GRIK1: variants seen among roughly 807,000 people sequenced by gnomAD.
GRIK1 encodes the protein glutamate receptor ionotropic, kainate 1.
In GRIK1, 69 loss-of-function variants were observed where a neutral mutation model predicts 105.7. That is an observed-to-expected ratio of 0.65 (90% CI 0.54 to 0.80). GRIK1 has a LOEUF of 0.80. GRIK1 is among the 30% of genes least tolerant of loss of function. The probability of loss-of-function intolerance (pLI) is 0.00; values close to 1 mark genes in which losing one functional copy is unlikely to be tolerated. For synonymous variants in GRIK1, 438 were observed against 431.3 expected (o/e 1.02, Z -0.19); for missense variants, 1,109 against 1,167.3 (o/e 0.95, Z 0.73).
intron 1 of GRIK1, among the ~76,000 whole-genome samples, chr21:29,715,058 T>A (rs188119715): frequency 6.6e-6 from 1 of 152,198 alleles, no homozygotes; most frequent in Non-Finnish European, 1.5e-5. Flanking sequence ...TCTTAAATGA[T>A]CTGGGGAACT....
chr21:29,800,743 G>A lies in GRIK1; in HGVS notation c.119-106680C>T, dbSNP rs1425981173. ...GAAAACACAAGAAAGTATAAGACAT[G>A]GTCTATACCACAAAGATACTTTGTA... On this transcript the variant is annotated intron_variant, in intron 1 of 17. Transcript: ENST00000327783. 2.6e-5 allele frequency among the ~76,000 whole-genome samples: 4 copies of A among 152,234 alleles called. No individual in the cohort carries two copies. The East Asian group carries it at 7.7e-4, about 29-fold the overall frequency.
At chr21:29,704,847 T>C (rs1026181209) in intron 1 of GRIK1, among the ~76,000 whole-genome samples, 7 of 152,288 alleles carry the variant, frequency 4.6e-5, no homozygotes, top group African/African-American at 1.7e-4. Flanking sequence ...ATGGCTCATC[T>C]CCTGTTCAAC....
chr21:29,695,472 CT>C (rs1174978924), intron 1 of GRIK1, among the ~76,000 whole-genome samples: 2 of 128,742 alleles, frequency 1.6e-5, no homozygotes, highest in African/African-American at 5.6e-5. Flanking sequence ...ATCTATCTAT[CT>C]ATCTATATAT....
intron 1 of GRIK1, among the ~76,000 whole-genome samples, chr21:29,819,813 G>A (rs563810906): frequency 2.6e-4 from 39 of 152,024 alleles, no homozygotes; most frequent in African/African-American, 5.1e-4. Context: ...TCAAGTTTCC[G>A]TATGAGACCC....
rs199720974 is a variant in GRIK1, at chr21:29,757,146, AT to A, written c.119-63084del. On this transcript the variant is annotated intron_variant, in intron 1 of 17. Coordinates refer to ENST00000327783, the MANE Select transcript of GRIK1 (RefSeq NM_001330994.2). ...ATAAAAAATAAAAATAAATTAAAAA[AT>A]TTAAAAAAAAAGAAATGCGAACCAG... Among the ~76,000 whole-genome samples, 1,368 of 152,196 alleles carry A rather than the reference AT, an allele frequency of 9.0e-3. 19 individuals are homozygous for A. The highest frequency in any genetic ancestry group is 0.031 in the African/African-American group (1,309 of 41,556).
intron 16 of GRIK1, among the ~76,000 whole-genome samples, chr21:29,552,605 G>A (rs967714766): frequency 1.3e-5 from 2 of 151,956 alleles, no homozygotes; most frequent in African/African-American, 4.8e-5. Context: ...ATTGTTCCAA[G>A]AACAACCCCT....
Position 29,798,531 on chromosome 21 carries a change from A to G in GRIK1, c.119-104468T>C, listed in dbSNP as rs183192389. On this transcript the variant is annotated intron_variant, in intron 1 of 17. Coordinates refer to ENST00000327783, the MANE Select transcript of GRIK1 (RefSeq NM_001330994.2). Reference sequence around the variant, plus strand: ...AATTTGAATAAATATGAGAACTCCAAGTGAATTCCAGTCTTAACATTGTAT... The same window carrying G: ...AATTTGAATAAATATGAGAACTCCAGGTGAATTCCAGTCTTAACATTGTAT... Among the ~76,000 whole-genome samples, 31 of 152,338 alleles carry G rather than the reference A, an allele frequency of 2.0e-4. 1 individual carries two copies. The highest frequency in any genetic ancestry group is 1.8e-3 in the Admixed American group (28 of 15,296).
intron 1 of GRIK1, among the ~76,000 whole-genome samples, chr21:29,707,080 G>A (rs1310861986): frequency 6.6e-6 from 1 of 152,062 alleles, no homozygotes; most frequent in African/African-American, 2.4e-5. Flanking sequence ...TAGGCAGGAT[G>A]GTCCTGATCT....
chr21:29,879,991 A>G (rs2069343731), intron 1 of GRIK1, among the ~76,000 whole-genome samples: 1 of 152,114 alleles, frequency 6.6e-6, no homozygotes. Context: ...TGTTACAGTA[A>G]TAGTTCCCTG....
At chr21:29,707,106 C>A (rs748032373) in intron 1 of GRIK1, among the ~76,000 whole-genome samples, 30 of 152,250 alleles carry the variant, frequency 2.0e-4, no homozygotes, top group Non-Finnish European at 3.2e-4. Context: ...CCTCGTGATC[C>A]GCCCTCCTCG....
chr21:29,761,017 T>C (rs1023589273), intron 1 of GRIK1, among the ~76,000 whole-genome samples: 1 of 152,224 alleles, frequency 6.6e-6, no homozygotes, highest in Non-Finnish European at 1.5e-5. Context: ...ACCTTTCCTG[T>C]GTGATACTTG....
At chr21:29,638,829 A>G (rs1485849141) in intron 7 of GRIK1, among the ~76,000 whole-genome samples, 1 of 152,234 alleles carries the variant, frequency 6.6e-6, no homozygotes, top group Non-Finnish European at 1.5e-5. Flanking sequence ...GCTATCCTTC[A>G]TTAAACAATC....
chr21:29,615,673 C>T lies in GRIK1; in HGVS notation c.1099-16736G>A, dbSNP rs363440. Among the ~76,000 whole-genome samples the T allele has an allele frequency of 1.8e-4, 28 of 152,200 alleles. No individual in the cohort carries two copies. The South Asian group carries it at 5.2e-3, about 28-fold the overall frequency. ...TAATATAGCTAATTAAGCTGAATTC[C>T]GAAGATCTTCCAAGATATATGTAAT... On this transcript the variant is annotated intron_variant, in intron 7 of 17. Transcript: ENST00000327783.
chr21:29,670,947 A>G lies in GRIK1; in HGVS notation c.726+2036T>C, dbSNP rs2063149478. Reference sequence around the variant, plus strand: ...TTTGTTAATGTAACTATAACGTAGAATTAAGCAATGGATACTCTTCTGCCT... The same window carrying G: ...TTTGTTAATGTAACTATAACGTAGAGTTAAGCAATGGATACTCTTCTGCCT... On this transcript the variant is annotated intron_variant, in intron 4 of 17. Coordinates refer to ENST00000327783, the MANE Select transcript of GRIK1 (RefSeq NM_001330994.2). Among the ~76,000 whole-genome samples the G allele has an allele frequency of 1.3e-5, 2 of 152,212 alleles. 1 individual carries two copies. Among genetic ancestry groups the G allele is most frequent in the South Asian group, 4.1e-4 (2 of 4,828 alleles).
intron 1 of GRIK1, among the ~76,000 whole-genome samples, chr21:29,706,349 A>G (rs2063908414): frequency 6.6e-6 from 1 of 152,214 alleles, no homozygotes; most frequent in African/African-American, 2.4e-5. Flanking sequence ...AGAACATCTA[A>G]AAAGCTGACA....
chr21:29,937,203 T>C lies in GRIK1; in HGVS notation c.118+2180A>G, dbSNP rs113686954. 3.2e-3 allele frequency among the ~76,000 whole-genome samples: 484 copies of C among 152,294 alleles called. 5 individuals are homozygous for C. Among genetic ancestry groups the C allele is most frequent in the African/African-American group, 0.011 (461 of 41,570 alleles). ...AAGAAAGTCACTGTAGAGAAACAGG[T>C]TTCCTCTGAGGTAAAGCTGGTTTCC... On this transcript the variant is annotated intron_variant, in intron 1 of 17. Transcript: ENST00000327783.
At chr21:29,774,501 G>C (rs2065893872) in intron 1 of GRIK1, among the ~76,000 whole-genome samples, 1 of 144,808 alleles carries the variant, frequency 6.9e-6, no homozygotes, top group Admixed American at 7.1e-5. Flanking sequence ...ACTCAGGCTG[G>C]AGTGCAGTGG....
At chr21:29,839,792 A>G (rs374668079) in intron 1 of GRIK1, among the ~76,000 whole-genome samples, 23 of 152,128 alleles carry the variant, frequency 1.5e-4, no homozygotes, top group Admixed American at 4.6e-4. Context: ...ACTCATCCTG[A>G]TATCTTATAA....
intron 16 of GRIK1, among the ~76,000 whole-genome samples, chr21:29,551,404 A>G (rs1328897232): frequency 6.6e-6 from 1 of 152,220 alleles, no homozygotes; most frequent in Non-Finnish European, 1.5e-5. Context: ...GTCATTCAGC[A>G]TGTGGCTCTG....
Sources: allele counts gnomAD v4.1 joint callset (sites outside exome capture counted in the v4.1 genomes callset), GRCh38; gene constraint gnomAD v4.1.1; transcripts MANE v1.5; gene names NCBI Gene and HGNC (gene_info 2026-07-23, HGNC 2026-07-21).